Variants in GALNT15 observed in about 807,000 individuals in gnomAD.
GALNT15 encodes the protein polypeptide N-acetylgalactosaminyltransferase 15.
A neutral mutation model predicts 66.8 loss-of-function variants in GALNT15; 67 were observed. The ratio of observed to expected loss-of-function variants is 1.00; its 90% CI spans 0.82 to 1.23. The LOEUF is 1.23. GALNT15 is among the 50% of genes most tolerant of loss of function. GALNT15 has a pLI of 0.00. For synonymous variants in GALNT15, 313 were observed against 311.5 expected (o/e 1.00, Z -0.05); for missense variants, 827 against 804.3 (o/e 1.03, Z -0.34).
intron 6 of GALNT15, among the ~76,000 whole-genome samples, chr3:16,218,518 C>A (rs890054851): frequency 6.6e-6 from 1 of 152,060 alleles, no homozygotes; most frequent in Admixed American, 6.6e-5. Context: ...TCATCTCCAT[C>A]CTAGGACAAT....
At chr3:16,240,163 T>A in the GALNT15 span, among the ~76,000 whole-genome samples, 27 of 152,246 alleles carry the variant, frequency 1.8e-4, no homozygotes, top group Admixed American at 1.1e-3. Context: ...CTTTAGGTAG[T>A]TTGCAAAGCA....
chr3:16,215,696 G>C (rs776836158), intron 6 of GALNT15, among the ~76,000 whole-genome samples: 2 of 152,028 alleles, frequency 1.3e-5, no homozygotes, highest in Non-Finnish European at 2.9e-5. Context: ...TGGATCATGA[G>C]GTCAAGAAAT....
intron 3 of GALNT15, among the ~76,000 whole-genome samples, chr3:16,207,386 A>G (rs1470137203): frequency 6.6e-6 from 1 of 151,862 alleles, no homozygotes; most frequent in Non-Finnish European, 1.5e-5. Context: ...TGTGATTGAG[A>G]TATTGGCTAG....
rs2063417213 is a variant in GALNT15, at chr3:16,176,984, T to C, written c.539+1294T>C. Among the ~76,000 whole-genome samples the C allele has an allele frequency of 6.6e-6, 1 of 152,184 alleles. No homozygotes were observed. The highest frequency in any genetic ancestry group is 2.4e-5 in the African/African-American group (1 of 41,436). On this transcript the variant is annotated intron_variant, in intron 1 of 9. Coordinates refer to ENST00000339732, the MANE Select transcript of GALNT15 (RefSeq NM_054110.5). The surrounding 1 kb of genome is among the most constrained non-coding windows in gnomAD (Gnocchi z 5.6). ...GCTACACTGTTTTCAAGCCTTACCT[T>C]TAAAAGCTATTTTCAGGAAATTCCC...
the GALNT15 span, among the ~76,000 whole-genome samples, chr3:16,239,648 C>T: frequency 1.4e-4 from 21 of 152,306 alleles, no homozygotes; most frequent in South Asian, 2.1e-4. This position sits in a 1 kb window ranked among gnomAD's most constrained non-coding sequence, Gnocchi z 5.2. Flanking sequence ...GTTCTGATTT[C>T]TTTTACTGCA....
chr3:16,238,075 A>G, the GALNT15 span, among the ~76,000 whole-genome samples: 5 of 152,220 alleles, frequency 3.3e-5, no homozygotes, highest in Non-Finnish European at 2.9e-5. The surrounding 1 kb of genome is among the most constrained non-coding windows in gnomAD (Gnocchi z 4.8). Flanking sequence ...ATCTTCCAGA[A>G]TAAGTTATAG....
In GALNT15 at chr3:16,208,655, C is replaced by G. The variant is rs766139523; in HGVS notation, c.1064C>G (p.Pro355Arg). ...PEHVRKALQS[P>R]ISPIRSPVVP... Reference sequence around the variant, plus strand: ...CATGTGAGGAAGGCCCTCCAGTCCCCCATAAGCCCCATCAGGTGAGTCCCC... The same window carrying G: ...CATGTGAGGAAGGCCCTCCAGTCCCGCATAAGCCCCATCAGGTGAGTCCCC... The change falls in exon 4 of 10, where the codon CCC becomes CGC. Residue 355 changes from proline (P) to arginine (R), a missense_variant. Physicochemically the swap from Pro to Arg is moderately radical, Grantham distance 103. Transcript: ENST00000339732. 1.2e-6 allele frequency: 2 copies of G among 1,613,912 alleles called. No homozygotes were observed. Among genetic ancestry groups the G allele is most frequent in the Admixed American group, 1.7e-5 (1 of 60,028 alleles).
At chr3:16,192,573 AG>A (rs1356137947) in intron 1 of GALNT15, among the ~76,000 whole-genome samples, 8 of 152,214 alleles carry the variant, frequency 5.3e-5, no homozygotes, top group Non-Finnish European at 1.2e-4. Flanking sequence ...TGGCCACAAA[AG>A]AAGTGGAGAG....
chr3:16,222,860 A>G, intron 9 of GALNT15, 102 bp downstream of exon 9: 1 of 1,333,260 alleles, frequency 7.5e-7, no homozygotes, highest in Non-Finnish European at 1.0e-6. Context: ...GGTATTAGGG[A>G]CCTCTGCCTC....
Position 16,205,218 on chromosome 3 carries a change from C to T in GALNT15, c.912-3285C>T, listed in dbSNP as rs534595897. Reference sequence around the variant, plus strand: ...TGCTTCTAGTATAAGAGACTTTCCACAAACACCAAGAATACGCATGAACTT... The same window carrying T: ...TGCTTCTAGTATAAGAGACTTTCCATAAACACCAAGAATACGCATGAACTT... On this transcript the variant is annotated intron_variant, in intron 3 of 9. Coordinates refer to ENST00000339732, the MANE Select transcript of GALNT15 (RefSeq NM_054110.5). Among the ~76,000 whole-genome samples, 61 of 152,326 alleles carry T rather than the reference C, an allele frequency of 4.0e-4. 1 individual carries two copies. The South Asian group carries it at 0.012, about 31-fold the overall frequency.
intron 1 of GALNT15, among the ~76,000 whole-genome samples, chr3:16,178,781 G>C (rs916126810): frequency 6.6e-6 from 1 of 152,190 alleles, no homozygotes; most frequent in African/African-American, 2.4e-5. Flanking sequence ...GCAGTATGCG[G>C]GCCCTGCACC....
At chr3:16,179,577 T>G (rs1241800019) in intron 1 of GALNT15, among the ~76,000 whole-genome samples, 1 of 152,120 alleles carries the variant, frequency 6.6e-6, no homozygotes, top group Non-Finnish European at 1.5e-5. Flanking sequence ...CAGCCTGAGT[T>G]AGAAGCAACA....
intron 3 of GALNT15, among the ~76,000 whole-genome samples, chr3:16,201,769 T>C (rs1173772645): frequency 1.3e-5 from 2 of 152,188 alleles, no homozygotes; most frequent in Non-Finnish European, 2.9e-5. Flanking sequence ...TGACCGTCAA[T>C]CTCTTTCTCA....
At chr3:16,240,120 C>A in the GALNT15 span, among the ~76,000 whole-genome samples, 2 of 152,320 alleles carry the variant, frequency 1.3e-5, no homozygotes, top group Non-Finnish European at 2.9e-5. Context: ...AAGTGAAAAC[C>A]TTTCTGTGCT....
Position 16,174,785 on chromosome 3 carries a change from T to G in GALNT15, c.-367T>G. The G allele has an allele frequency of 4.1e-6, 1 of 242,682 alleles. No individual in the cohort carries two copies. Among genetic ancestry groups the G allele is most frequent in the Non-Finnish European group, 8.1e-6 (1 of 123,418 alleles). The allele number at this position is 242,682 out of a possible 1,614,324, so 15.0% of individuals were successfully genotyped here. A position where few individuals can be genotyped will look rare whatever the true frequency, so the allele number is the denominator to read the frequency against. ...ATCCCAGACACCTCATAGCAACCTA[T>G]TTATACAAAGGGGGAAAGAAACACC... On this transcript the variant is annotated 5_prime_UTR_variant, in exon 1 of 10. Coordinates refer to ENST00000339732, the MANE Select transcript of GALNT15 (RefSeq NM_054110.5). The surrounding 1 kb of genome is among the most constrained non-coding windows in gnomAD (Gnocchi z 4.7).
chr3:16,231,978 T>C (rs766659641), downstream of GALNT15: 1,581 of 1,479,500 alleles, frequency 1.1e-3, 1 homozygote, highest in Non-Finnish European at 1.3e-3. This position sits in a 1 kb window ranked among gnomAD's most constrained non-coding sequence, Gnocchi z 4.1. Context: ...TTAAATAAAA[T>C]CCAGAAAAAC....
Position 16,195,429 on chromosome 3 carries a change from G to A in GALNT15, c.540-331G>A, listed in dbSNP as rs1250666262. 6.6e-6 allele frequency among the ~76,000 whole-genome samples: 1 copy of A among 152,226 alleles called. No homozygotes were observed. Among genetic ancestry groups the A allele is most frequent in the Non-Finnish European group, 1.5e-5 (1 of 68,038 alleles). ...GATTCTGATGCATGCTCAAGTGTGA[G>A]CGCTGTGAGGGTGATAATATTGTCA... On this transcript the variant is annotated intron_variant, in intron 1 of 9. Transcript: ENST00000339732. This position sits in a 1 kb window ranked among gnomAD's most constrained non-coding sequence, Gnocchi z 4.6.
chr3:16,213,715 A>T (rs1375132881), intron 6 of GALNT15, among the ~76,000 whole-genome samples: 1 of 152,152 alleles, frequency 6.6e-6, no homozygotes, highest in Non-Finnish European at 1.5e-5. Flanking sequence ...TTAGCAGCCC[A>T]CACTGCTGGG....
chr3:16,219,344 A>T lies in GALNT15; in HGVS notation c.1393-59A>T. The T allele has an allele frequency of 6.3e-7, 1 of 1,598,088 alleles. No individual in the cohort carries two copies. Among genetic ancestry groups the T allele is most frequent in the Non-Finnish European group, 8.5e-7 (1 of 1,172,082 alleles). On this transcript the variant is annotated intron_variant, in intron 6 of 9. Coordinates refer to ENST00000339732, the MANE Select transcript of GALNT15 (RefSeq NM_054110.5). This position sits in a 1 kb window ranked among gnomAD's most constrained non-coding sequence, Gnocchi z 4.3. ...CTTCCCAGCCACTCCATCCCCAACCATGTGAATTCTGGGCAAGACAAGCTT... is the reference window on the plus strand; with the variant it reads ...CTTCCCAGCCACTCCATCCCCAACCTTGTGAATTCTGGGCAAGACAAGCTT...
Sources: allele counts gnomAD v4.1 joint callset (sites outside exome capture counted in the v4.1 genomes callset), GRCh38; gene constraint gnomAD v4.1.1; non-coding constraint Gnocchi (gnomAD v3.1); transcripts MANE v1.5; gene names NCBI Gene and HGNC (gene_info 2026-07-23, HGNC 2026-07-21).